PLEKHA4: variants seen among roughly 807,000 people sequenced by gnomAD.
PLEKHA4 encodes the protein pleckstrin homology domain-containing family A member 4.
A neutral mutation model predicts 94.7 loss-of-function variants in PLEKHA4; 73 were observed. That is an observed-to-expected ratio of 0.77 (90% CI 0.64 to 0.94). The LOEUF (loss-of-function observed/expected upper bound fraction) is 0.94. Among genes scored for constraint, PLEKHA4 ranks in the 40% least tolerant of loss-of-function variants. PLEKHA4 has a pLI of 0.00. For missense variants in PLEKHA4, 1,049 were observed against 1,054.1 expected (o/e 1.00, Z 0.07); for synonymous variants, 449 against 437.1 (o/e 1.03, Z -0.34).
chr19:48,841,357 C>T, intron 16 of PLEKHA4, 47 bp from the exon 17 acceptor site: 3 of 1,539,844 alleles, frequency 1.9e-6, no homozygotes, highest in Non-Finnish European at 2.6e-6. Flanking sequence ...AGGCCAGGCA[C>T]AGTGGCTCGT....
At position 48,859,575 on chromosome 19, in the gene PLEKHA4, C is replaced by T. The variant is rs528180011; in HGVS notation, c.586G>A (p.Glu196Lys). The change falls in exon 7 of 20, where the codon GAA becomes AAA. Residue 196 changes from glutamate to lysine, a missense_variant. By Grantham distance (56) the Glu-to-Lys change is moderately conservative. Coordinates refer to ENST00000263265, the MANE Select transcript of PLEKHA4 (RefSeq NM_020904.3). ...GEEGRISESP[E>K]VTRLSRGRGR... is the part of the protein sequence containing the mutation. Reference sequence around the variant, plus strand: ...CGACCTCTGGAGAGTCGAGTCACTTCCGGTGATTCTGAGATGCGCCCCTCT... The same window carrying T: ...CGACCTCTGGAGAGTCGAGTCACTTTCGGTGATTCTGAGATGCGCCCCTCT... The T allele has an allele frequency of 1.4e-5, 22 of 1,614,024 alleles. No homozygotes were observed. In the South Asian group the frequency reaches 1.9e-4, roughly 14 times the overall value.
chr19:48,857,281 C>T (rs1012482828), intron 9 of PLEKHA4, 141 bp downstream of exon 9: 2 of 544,130 alleles, frequency 3.7e-6, no homozygotes, highest in African/African-American at 4.0e-5. Flanking sequence ...GTTACAGCCA[C>T]CACATGAATC....
rs1568551197 is a variant in PLEKHA4 at position 48,859,480 on chromosome 19, C to T, written c.681G>A (p.Ala227=). The change falls in exon 7 of 20, where the codon GCG becomes GCA. Residue 227 remains alanine, a synonymous_variant. Transcript: ENST00000263265. The part of the protein sequence containing the change: ...DLHSGLQMRR[A]RSPDLFTPLS... Reference sequence around the variant, plus strand: ...TCCTCCCTACTCACTCGGGGCTCCTCGCCCTCCGCATCTGGAGTCCAGAGT... The same window carrying T: ...TCCTCCCTACTCACTCGGGGCTCCTTGCCCTCCGCATCTGGAGTCCAGAGT... 2 of 1,613,706 alleles carry T rather than the reference C, an allele frequency of 1.2e-6. No homozygotes were observed. Among genetic ancestry groups the T allele is most frequent in the African/African-American group, 2.7e-5 (2 of 74,908 alleles).
At chr19:48,847,744 G>A (rs191221204) in intron 14 of PLEKHA4, among the ~76,000 whole-genome samples, 156 bp downstream of exon 14, 7 of 151,862 alleles carry the variant, frequency 4.6e-5, no homozygotes, top group South Asian at 2.1e-4. Flanking sequence ...AAAAACCCCC[G>A]AAAAAAAAGA....
chr19:48,854,131 T>C, intron 10 of PLEKHA4, 44 bp from the exon 11 acceptor site: 2 of 1,613,564 alleles, frequency 1.2e-6, no homozygotes, highest in Non-Finnish European at 1.7e-6. Flanking sequence ...CAGATCTGGC[T>C]CTTCCCCTGC....
rs544592840 is a variant in PLEKHA4, at chr19:48,859,466, C to T, written c.692+3G>A. On this transcript the variant is annotated splice_donor_region_variant and intron_variant, in intron 7 of 19. Coordinates refer to ENST00000263265, the MANE Select transcript of PLEKHA4 (RefSeq NM_020904.3). ...CGCCCACAACCATGTCCTCCCTACT[C>T]ACTCGGGGCTCCTCGCCCTCCGCAT... The T allele has an allele frequency of 1.2e-6, 2 of 1,613,648 alleles. No homozygotes were observed. The highest frequency in any genetic ancestry group is 1.1e-5 in the South Asian group (1 of 91,072).
rs2036882932 is a variant in PLEKHA4 at position 48,867,724 on chromosome 19, G to C, written c.-6-98C>G. On this transcript the variant is annotated intron_variant, in intron 1 of 19. Transcript: ENST00000263265. The surrounding 1 kb of genome is among the most constrained non-coding windows in gnomAD (Gnocchi z 4.7). The stretch of plus-strand genomic sequence containing the variant: ...GAGGTCGGAGGAGGCTGCAGAGAAA[G>C]AGCCTGTTGTTTCGGGACTTGGGGG... 1.7e-6 allele frequency: 2 copies of C among 1,175,572 alleles called. No homozygotes were observed. The highest frequency in any genetic ancestry group is 2.4e-6 in the Non-Finnish European group (2 of 824,502). 72.8% of individuals were successfully genotyped at this position (1,175,572 alleles called of 1,614,324 possible). A position where few individuals can be genotyped will look rare whatever the true frequency, so the allele number is the denominator to read the frequency against.
intron 16 of PLEKHA4, chr19:48,844,311 C>T (rs1288053462): frequency 4.9e-5 from 15 of 305,964 alleles, no homozygotes; most frequent in Non-Finnish European, 6.2e-5. Context: ...CCCGCCATCA[C>T]GCTCGGATAA....
In PLEKHA4 at chr19:48,861,606, A is replaced by G. The variant is rs780469351; in HGVS notation, c.265+14T>C. 4.0e-5 allele frequency: 65 copies of G among 1,613,922 alleles called. No homozygotes were observed. The highest frequency in any genetic ancestry group is 4.4e-5 in the Non-Finnish European group (52 of 1,179,940). Reference sequence around the variant, plus strand: ...GGGGCCCTCCCACCCCAAGCCAGCCAGCCAGCCACTGACCCTTGTAATAAA... The same window carrying G: ...GGGGCCCTCCCACCCCAAGCCAGCCGGCCAGCCACTGACCCTTGTAATAAA... On this transcript the variant is annotated intron_variant, in intron 4 of 19. Coordinates refer to ENST00000263265, the MANE Select transcript of PLEKHA4 (RefSeq NM_020904.3).
At chr19:48,861,986 G>A (rs1348857833) in intron 3 of PLEKHA4, among the ~76,000 whole-genome samples, 1 of 151,734 alleles carries the variant, frequency 6.6e-6, no homozygotes, top group South Asian at 2.1e-4. Flanking sequence ...AATTAGCCAG[G>A]TGTGGTGGCG....
chr19:48,858,627 CAAA>C (rs56663437), intron 8 of PLEKHA4, among the ~76,000 whole-genome samples: 9 of 63,420 alleles, frequency 1.4e-4, no homozygotes, highest in East Asian at 4.9e-4. Flanking sequence ...ACCTCAGTCT[CAAA>C]AAAAAAAAAA....
chr19:48,859,517 G>T lies in PLEKHA4; in HGVS notation c.644C>A (p.Thr215Lys). 6.2e-7 allele frequency: 1 copy of T among 1,614,068 alleles called. No homozygotes were observed. Among genetic ancestry groups the T allele is most frequent in the South Asian group, 1.1e-5 (1 of 91,086 alleles). Residue 215 changes from threonine to lysine, a missense_variant, in exon 7 of 20, where the codon ACA (threonine) becomes AAA (lysine). Physicochemically the swap from Thr to Lys is moderately conservative, Grantham distance 78 (BLOSUM62 -1). Coordinates refer to ENST00000263265, the MANE Select transcript of PLEKHA4 (RefSeq NM_020904.3). ...GRPRLLTPSPTTDLHSGLQMR... is the reference protein window; with the variant it reads ...GRPRLLTPSPKTDLHSGLQMR... ...CTGGAGTCCAGAGTGGAGGTCGGTT[G>T]TGGGGCTGGGAGTGAGCAGCCTGGG...
intron 13 of PLEKHA4, among the ~76,000 whole-genome samples, chr19:48,851,172 G>A (rs1013657489): frequency 2.6e-5 from 4 of 152,030 alleles, no homozygotes; most frequent in African/African-American, 9.7e-5. Context: ...GAGTATAATG[G>A]ATTGTTTGTA....
chr19:48,852,494 C>T (rs78526660), intron 12 of PLEKHA4, among the ~76,000 whole-genome samples, 168 bp from the exon 13 acceptor site: 1,755 of 152,198 alleles, frequency 0.012, 13 homozygotes, highest in East Asian at 0.028. Context: ...CTACTGGGAA[C>T]CCCAAAGTCT....
At position 48,860,379 on chromosome 19, in the gene PLEKHA4, G is replaced by A. The variant is rs1385611764; in HGVS notation, c.447C>T (p.Gly149=). The change falls in exon 6 of 20, where the codon GGC becomes GGT. Residue 149 remains glycine (G), a synonymous_variant. Coordinates refer to ENST00000263265, the MANE Select transcript of PLEKHA4 (RefSeq NM_020904.3). ...EDLRGWLRAL[G]RASRAEGDDY... ...CGTCCCCCTCCGCACGGGAGGCCCGGCCCAGCGCCCGTAGCCAGCCCCGCA... is the reference window on the plus strand; with the variant it reads ...CGTCCCCCTCCGCACGGGAGGCCCGACCCAGCGCCCGTAGCCAGCCCCGCA... 16 of 1,614,036 alleles carry A rather than the reference G, an allele frequency of 9.9e-6. No homozygotes were observed. The highest frequency in any genetic ancestry group is 1.4e-5 in the Non-Finnish European group (16 of 1,180,016).
Position 48,845,433 on chromosome 19 carries a change from C to CG in PLEKHA4, c.1679dup (p.Arg561GlufsTer9). On this transcript the variant is annotated frameshift_variant, in exon 16 of 20. Coordinates refer to ENST00000263265, the MANE Select transcript of PLEKHA4 (RefSeq NM_020904.3). LOFTEE classifies it high-confidence loss of function. ...CAGGGCTGGAAGCCCGGGAGACCCT[C>CG]GGAGACCCAAGACCTGGAAAGACAG... 1 of 1,613,940 alleles carries CG rather than the reference C, an allele frequency of 6.2e-7. No individual in the cohort carries two copies. The highest frequency in any genetic ancestry group is 1.7e-4 in the Middle Eastern group (1 of 5,964).
chr19:48,864,377 A>G (rs1395365058), intron 3 of PLEKHA4, among the ~76,000 whole-genome samples: 1 of 151,958 alleles, frequency 6.6e-6, no homozygotes, highest in African/African-American at 2.4e-5. Flanking sequence ...CATGTTGACC[A>G]GGCTGGTCTT....
At chr19:48,845,471 T>G in intron 15 of PLEKHA4, 25 bp from the exon 16 acceptor site, 1 of 1,613,538 alleles carries the variant, frequency 6.2e-7, no homozygotes, top group Non-Finnish European at 8.5e-7. Context: ...CGGGACTTGG[T>G]GAGGACGGGA....
rs762096112 is a variant in PLEKHA4 at position 48,867,054 on chromosome 19, G to A, written c.84+483C>T. ...ACTTGAGAAACAATATGTGTGGAAC[G>A]GCAGGAGGAAAAAGAAATGAGTGTC... On this transcript the variant is annotated intron_variant, in intron 2 of 19. Transcript: ENST00000263265. This position sits in a 1 kb window ranked among gnomAD's most constrained non-coding sequence, Gnocchi z 4.7. Among the ~76,000 whole-genome samples, 1 of 152,150 alleles carries A rather than the reference G, an allele frequency of 6.6e-6. No homozygotes were observed. The highest frequency in any genetic ancestry group is 2.4e-5 in the African/African-American group (1 of 41,442).
Sources: allele counts gnomAD v4.1 joint callset (sites outside exome capture counted in the v4.1 genomes callset), GRCh38; gene constraint gnomAD v4.1.1; non-coding constraint Gnocchi (gnomAD v3.1); transcripts MANE v1.5; gene names NCBI Gene and HGNC (gene_info 2026-07-23, HGNC 2026-07-21).